The following SLC17A6 variants were observed in gnomAD, a reference collection of about 807,000 sequenced individuals.
SLC17A6 encodes the protein vesicular glutamate transporter 2.
In SLC17A6, 35 loss-of-function variants were observed where a neutral mutation model predicts 67.1. That is an observed-to-expected ratio of 0.52 (90% CI 0.40 to 0.69). The LOEUF is 0.69. Among genes scored for constraint, SLC17A6 ranks in the 30% least tolerant of loss-of-function variants. The pLI is 0.00. For missense variants in SLC17A6, 588 were observed against 723.9 expected (o/e 0.81, Z 2.15); for synonymous variants, 285 against 252.3 (o/e 1.13, Z -1.23).
In SLC17A6 at chr11:22,338,397, G is replaced by A. The variant is rs1454340278; in HGVS notation, c.-137G>A. On this transcript the variant is annotated 5_prime_UTR_variant, in exon 1 of 12. Coordinates refer to ENST00000263160, the MANE Select transcript of SLC17A6 (RefSeq NM_020346.3). ...CCTTCTCTCACTCTCACTCTTGCTG[G>A]AGGCGAGCCACTACCATTCTGCTGA... is the stretch of plus-strand genomic sequence containing the variant. The A allele has an allele frequency of 5.8e-5, 36 of 617,434 alleles. No individual in the cohort carries two copies. In the East Asian group the frequency reaches 1.0e-3, roughly 17 times the overall value. 38.2% of individuals were successfully genotyped at this position (617,434 alleles called of 1,614,324 possible).
At chr11:22,367,358 A>G (rs536669723) in intron 7 of SLC17A6, among the ~76,000 whole-genome samples, 96 of 152,182 alleles carry the variant, frequency 6.3e-4, no homozygotes, top group Non-Finnish European at 1.1e-3. Flanking sequence ...CCCATATCAT[A>G]TATAATTCAG....
intron 1 of SLC17A6, among the ~76,000 whole-genome samples, chr11:22,340,178 T>G (rs928033480): frequency 6.6e-6 from 1 of 152,186 alleles, no homozygotes; most frequent in Non-Finnish European, 1.5e-5. Flanking sequence ...GTGAAAACAA[T>G]TGGGTGTTCA....
chr11:22,367,119 G>A (rs1856122128), intron 7 of SLC17A6, among the ~76,000 whole-genome samples: 1 of 151,492 alleles, frequency 6.6e-6, no homozygotes. Context: ...AGAGCTGAAA[G>A]GTGTCATACA....
chr11:22,356,737 G>A (rs1855996713), intron 3 of SLC17A6, among the ~76,000 whole-genome samples: 2 of 152,190 alleles, frequency 1.3e-5, no homozygotes, highest in Admixed American at 1.3e-4. Flanking sequence ...TCAGGAGGCT[G>A]AGGCATAAGA....
At chr11:22,360,435 C>G (rs1379608377) in intron 4 of SLC17A6, among the ~76,000 whole-genome samples, 1 of 151,314 alleles carries the variant, frequency 6.6e-6, no homozygotes, top group Non-Finnish European at 1.5e-5. Context: ...ACACATTTAC[C>G]TATGTGACAA....
intron 8 of SLC17A6, among the ~76,000 whole-genome samples, chr11:22,373,189 A>C (rs1590394949): frequency 6.6e-6 from 1 of 152,180 alleles, no homozygotes; most frequent in Non-Finnish European, 1.5e-5. Context: ...TCAATTAAAA[A>C]ACTTTTCAGA....
intron 6 of SLC17A6, among the ~76,000 whole-genome samples, chr11:22,365,099 C>T (rs1216962036): frequency 6.6e-6 from 1 of 152,136 alleles, no homozygotes; most frequent in Non-Finnish European, 1.5e-5. Context: ...AAGAGCAATT[C>T]TTTTCTCTGG....
Position 22,379,282 on chromosome 11 carries a change from G to A in SLC17A6, c.*1542G>A, listed in dbSNP as rs945215640. On this transcript the variant is annotated 3_prime_UTR_variant, in exon 12 of 12. Coordinates refer to ENST00000263160, the MANE Select transcript of SLC17A6 (RefSeq NM_020346.3). ...TTGATCTGTTCAATGTACTGTGCTAGTGACTGGAGGCCCTGCTACTGCAAA... is the reference window on the plus strand; with the variant it reads ...TTGATCTGTTCAATGTACTGTGCTAATGACTGGAGGCCCTGCTACTGCAAA... 1.3e-5 allele frequency: 2 copies of A among 152,214 alleles called. No individual in the cohort carries two copies. Among genetic ancestry groups the A allele is most frequent in the Non-Finnish European group, 2.9e-5 (2 of 67,958 alleles). The allele number at this position is 152,214 out of a possible 1,614,324, so 9.4% of individuals were successfully genotyped here.
chr11:22,365,796 A>T, intron 7 of SLC17A6, 107 bp downstream of exon 7: 1 of 1,191,552 alleles, frequency 8.4e-7, no homozygotes, highest in Non-Finnish European at 1.2e-6. Context: ...ATTTGGTATC[A>T]ATCATAACTT....
intron 3 of SLC17A6, among the ~76,000 whole-genome samples, chr11:22,356,690 G>A (rs1855996236): frequency 6.6e-6 from 1 of 152,070 alleles, no homozygotes; most frequent in Non-Finnish European, 1.5e-5. Context: ...CAAAAAATTA[G>A]CCAGGCATGT....
At chr11:22,365,739 C>G (rs747451636) in intron 7 of SLC17A6, 50 bp downstream of exon 7, 1 of 1,543,168 alleles carries the variant, frequency 6.5e-7, no homozygotes, top group Non-Finnish European at 8.7e-7. Context: ...CATCTCGCCC[C>G]CATTGACCAA....
intron 3 of SLC17A6, among the ~76,000 whole-genome samples, chr11:22,348,466 A>G (rs1855902607): frequency 6.6e-6 from 1 of 152,170 alleles, no homozygotes; most frequent in Admixed American, 6.5e-5. Context: ...TTCTCCGCAA[A>G]AGGCAAACTC....
At chr11:22,370,858 T>C (rs1340285216) in intron 8 of SLC17A6, among the ~76,000 whole-genome samples, 1 of 152,130 alleles carries the variant, frequency 6.6e-6, no homozygotes, top group African/African-American at 2.4e-5. Flanking sequence ...GCTATGGGAA[T>C]ATAATCATTT....
At position 22,360,946 on chromosome 11, in the gene SLC17A6, C is replaced by T. The variant is rs1253535116; in HGVS notation, c.623C>T (p.Pro208Leu). 1 of 1,614,048 alleles carries T rather than the reference C, an allele frequency of 6.2e-7. No homozygotes were observed. The highest frequency in any genetic ancestry group is 1.1e-5 in the South Asian group (1 of 91,074). ...CHGIWSKWAP[P>L]LERSRLATTS... ...GGGATATGGAGCAAATGGGCCCCACCTCTAGAGAGGAGTAGACTGGCAACC... is the reference window on the plus strand; with the variant it reads ...GGGATATGGAGCAAATGGGCCCCACTTCTAGAGAGGAGTAGACTGGCAACC... The change falls in exon 5 of 12, where the codon CCT becomes CTT. Residue 208 changes from proline to leucine, a missense_variant. By Grantham distance (98) the Pro-to-Leu change is moderately conservative (BLOSUM62 -3). Around this residue, in one of 4 missense-constraint regions of SLC17A6, gnomAD observed 414 missense variants for 563.4 expected, o/e 0.73. Coordinates refer to ENST00000263160, the MANE Select transcript of SLC17A6 (RefSeq NM_020346.3).
intron 8 of SLC17A6, among the ~76,000 whole-genome samples, chr11:22,372,391 C>CAT (rs3993092): frequency 1.5e-3 from 222 of 149,520 alleles, no homozygotes; most frequent in African/African-American, 4.0e-3. Flanking sequence ...CACACATACA[C>CAT]ATATATATAT....
intron 1 of SLC17A6, among the ~76,000 whole-genome samples, chr11:22,341,324 G>T (rs555315570): frequency 6.6e-6 from 1 of 152,184 alleles, no homozygotes; most frequent in Non-Finnish European, 1.5e-5. Context: ...AGACGCCGCC[G>T]CCGCGGCCAA....
intron 1 of SLC17A6, 35 bp downstream of exon 1, chr11:22,338,654 C>G: frequency 6.6e-7 from 1 of 1,513,998 alleles, no homozygotes; most frequent in Non-Finnish European, 9.1e-7. Context: ...ACCTGGGGCT[C>G]AGCATGAAAA....
At chr11:22,374,041 A>G (rs974649478) in intron 8 of SLC17A6, among the ~76,000 whole-genome samples, 5 of 152,178 alleles carry the variant, frequency 3.3e-5, no homozygotes, top group African/African-American at 9.6e-5. Flanking sequence ...CATAATTCAA[A>G]TGCATTTTAT....
rs1330370693 is a variant in SLC17A6, at chr11:22,378,414, A to G, written c.*674A>G. On this transcript the variant is annotated 3_prime_UTR_variant, in exon 12 of 12. Coordinates refer to ENST00000263160, the MANE Select transcript of SLC17A6 (RefSeq NM_020346.3). Reference sequence around the variant, plus strand: ...ATGCTTCATGTTCTTCCATCCATTTACCTAATAGTATGAAACAGTTCACAT... The same window carrying G: ...ATGCTTCATGTTCTTCCATCCATTTGCCTAATAGTATGAAACAGTTCACAT... 1.3e-5 allele frequency: 2 copies of G among 152,604 alleles called. No individual in the cohort carries two copies. The highest frequency in any genetic ancestry group is 2.4e-5 in the African/African-American group (1 of 41,452). 9.5% of individuals were successfully genotyped at this position (152,604 alleles called of 1,614,324 possible).
Sources: allele counts gnomAD v4.1 joint callset (sites outside exome capture counted in the v4.1 genomes callset), GRCh38; gene constraint gnomAD v4.1.1; regional missense constraint gnomAD v4.1.1; transcripts MANE v1.5; gene names NCBI Gene and HGNC (gene_info 2026-07-23, HGNC 2026-07-21).